The following MCTP2 variants were observed in gnomAD, a reference collection of about 807,000 sequenced individuals.
MCTP2 encodes the protein multiple C2 and transmembrane domain containing 2.
A neutral mutation model predicts 111.6 loss-of-function variants in MCTP2; 132 were observed. That is an observed-to-expected ratio of 1.18 (90% confidence interval 1.03 to 1.37). The LOEUF (loss-of-function observed/expected upper bound fraction) is 1.37, where lower values mean the gene tolerates loss of function less well. Ranked by LOEUF, MCTP2 falls within the 40% of genes most tolerant of loss-of-function variation. The probability of loss-of-function intolerance (pLI) is 0.00; values close to 1 mark genes in which losing one functional copy is unlikely to be tolerated. For synonymous variants in MCTP2, 395 were observed against 387.7 expected (o/e 1.02, Z -0.22); for missense variants, 1,183 against 1,067.9 (o/e 1.11, Z -1.50).
chr15:94,390,102 A>AAG, intron 14 of MCTP2, among the ~76,000 whole-genome samples: 1 of 39,198 alleles, frequency 2.6e-5, no homozygotes, highest in South Asian at 8.0e-4. Context: ...ATATATATAT[A>AAG]TATATATATA....
intron 1 of MCTP2, among the ~76,000 whole-genome samples, chr15:94,256,643 A>T (rs901425729): frequency 6.6e-6 from 1 of 152,174 alleles, no homozygotes; most frequent in Non-Finnish European, 1.5e-5. Flanking sequence ...TTCTGTGAGC[A>T]AGAGACTTAG....
chr15:94,466,964 A>G (rs907131328), intron 20 of MCTP2, among the ~76,000 whole-genome samples: 1 of 152,204 alleles, frequency 6.6e-6, no homozygotes. Flanking sequence ...CCAGATATCA[A>G]TAACTTTCTT....
intron 1 of MCTP2, among the ~76,000 whole-genome samples, chr15:94,244,930 G>A (rs1418250664): frequency 1.6e-5 from 2 of 122,190 alleles, no homozygotes; most frequent in African/African-American, 6.4e-5. Flanking sequence ...ATACGTATAT[G>A]TATACACATA....
At chr15:94,295,490 G>A (rs1337910672) in intron 1 of MCTP2, among the ~76,000 whole-genome samples, 2 of 152,012 alleles carry the variant, frequency 1.3e-5, no homozygotes, top group East Asian at 3.9e-4. Flanking sequence ...AGAAACCACA[G>A]TGCTGCTTCT....
chr15:94,240,250 A>G (rs990860921), intron 1 of MCTP2, among the ~76,000 whole-genome samples: 1 of 152,138 alleles, frequency 6.6e-6, no homozygotes, highest in African/African-American at 2.4e-5. Flanking sequence ...TTAGATAGGA[A>G]TCATCTCCAT....
intron 14 of MCTP2, among the ~76,000 whole-genome samples, chr15:94,390,093 T>C (rs1596554285): frequency 2.6e-4 from 3 of 11,644 alleles, no homozygotes; most frequent in East Asian, 3.6e-3. Flanking sequence ...TATATATGTA[T>C]ATATATATAT....
intron 1 of MCTP2, among the ~76,000 whole-genome samples, chr15:94,295,174 T>A (rs1409963929): frequency 6.6e-6 from 1 of 152,028 alleles, no homozygotes; most frequent in African/African-American, 2.4e-5. Context: ...GGTCTCGAAC[T>A]CCTGACCTCA....
At chr15:94,383,884 G>T in intron 12 of MCTP2, 138 bp from the exon 13 acceptor site, 1 of 630,426 alleles carries the variant, frequency 1.6e-6, no homozygotes. Flanking sequence ...TCCCACACAG[G>T]GCCTCCATGA....
intron 1 of MCTP2, among the ~76,000 whole-genome samples, chr15:94,283,054 C>T (rs938416807): frequency 6.6e-6 from 1 of 151,958 alleles, no homozygotes; most frequent in African/African-American, 2.4e-5. Flanking sequence ...TGGGTGGGTG[C>T]ACCAGGCAGA....
chr15:94,422,817 G>A (rs2082687843), intron 17 of MCTP2, among the ~76,000 whole-genome samples: 1 of 152,046 alleles, frequency 6.6e-6, no homozygotes, highest in Non-Finnish European at 1.5e-5. Context: ...CATATCTTTT[G>A]CTTTTACTTC....
Position 94,479,230 on chromosome 15 carries a change from G to C in MCTP2, c.*196G>C, listed in dbSNP as rs1247178143. ...ACCCTCATGCATGGGTGTCCTAGTTGCGTAGAGGGTCAGCCCAGCGAAAAG... is the reference window on the plus strand; with the variant it reads ...ACCCTCATGCATGGGTGTCCTAGTTCCGTAGAGGGTCAGCCCAGCGAAAAG... On this transcript the variant is annotated 3_prime_UTR_variant, in exon 23 of 23. Coordinates refer to ENST00000357742, the MANE Select transcript of MCTP2 (RefSeq NM_001385001.1). The C allele has an allele frequency of 1.6e-6, 1 of 608,792 alleles. No homozygotes were observed. The highest frequency in any genetic ancestry group is 3.0e-6 in the Non-Finnish European group (1 of 335,996). 37.7% of individuals were successfully genotyped at this position (608,792 alleles called of 1,614,324 possible).
At chr15:94,371,522 C>T (rs1308753915) in intron 12 of MCTP2, among the ~76,000 whole-genome samples, 1 of 152,106 alleles carries the variant, frequency 6.6e-6, no homozygotes, top group Non-Finnish European at 1.5e-5. Flanking sequence ...TTGTTTTTCT[C>T]TCAGGAAATG....
intron 2 of MCTP2, among the ~76,000 whole-genome samples, chr15:94,301,123 A>G (rs912996980): frequency 6.6e-6 from 1 of 152,184 alleles, no homozygotes; most frequent in Non-Finnish European, 1.5e-5. Flanking sequence ...GTTCTCAAAA[A>G]TGAATCCTTT....
At chr15:94,367,346 C>T (rs1310088759) in intron 10 of MCTP2, among the ~76,000 whole-genome samples, 1 of 152,120 alleles carries the variant, frequency 6.6e-6, no homozygotes, top group African/African-American at 2.4e-5. Flanking sequence ...TGGCAAGGAT[C>T]CACTCCTCTC....
At chr15:94,382,362 CA>C (rs1469616481) in intron 12 of MCTP2, among the ~76,000 whole-genome samples, 1 of 152,214 alleles carries the variant, frequency 6.6e-6, no homozygotes, top group Non-Finnish European at 1.5e-5. Context: ...AGACAGGGAC[CA>C]TTTCCATTGT....
intron 1 of MCTP2, among the ~76,000 whole-genome samples, chr15:94,243,875 A>G (rs1016566258): frequency 6.1e-5 from 9 of 148,414 alleles, no homozygotes; most frequent in African/African-American, 2.0e-4. Context: ...ATATGTGTAT[A>G]TATTTATGTA....
intron 1 of MCTP2, among the ~76,000 whole-genome samples, chr15:94,295,451 T>C (rs2075230285): frequency 6.6e-6 from 1 of 152,154 alleles, no homozygotes; most frequent in Admixed American, 6.5e-5. Context: ...AGTATCCCAC[T>C]GTGTGAGCGC....
chr15:94,442,621 CA>C (rs1485104027), intron 18 of MCTP2, among the ~76,000 whole-genome samples: 56 of 152,292 alleles, frequency 3.7e-4, no homozygotes, highest in African/African-American at 1.2e-3. Context: ...AGAATAAGAA[CA>C]ACACTGTTTA....
intron 13 of MCTP2, among the ~76,000 whole-genome samples, chr15:94,384,456 T>C (rs1205580759): frequency 6.6e-6 from 1 of 152,172 alleles, no homozygotes; most frequent in Non-Finnish European, 1.5e-5. Flanking sequence ...AGTGATCTTA[T>C]GTGTTCTAAG....
Sources: gnomAD v4.1 joint callset for allele counts (sites outside exome capture counted in the v4.1 genomes callset) on GRCh38, gnomAD v4.1.1 for gene constraint, MANE v1.5 for transcripts, NCBI Gene and HGNC (gene_info 2026-07-23, HGNC 2026-07-21) for gene names.